FHIT: variants seen among roughly 807,000 people sequenced by gnomAD.
FHIT encodes bis(5'-adenosyl)-triphosphatase.
Under a neutral mutation model 17.9 loss-of-function variants are expected in FHIT, and 19 were observed. The observed-to-expected ratio is 1.06, with a 90% CI of 0.74 to 1.56. The LOEUF (loss-of-function observed/expected upper bound fraction) is 1.56. Ranked by LOEUF, FHIT falls within the 40% of genes most tolerant of loss-of-function variation. The probability of loss-of-function intolerance (pLI) is 0.00; values close to 1 mark genes in which losing one functional copy is unlikely to be tolerated. For synonymous variants in FHIT, 81 were observed against 69.7 expected (o/e 1.16, Z -0.81); for missense variants, 248 against 189.2 (o/e 1.31, Z -1.82).
At chr3:60,209,327 T>C (rs908782366) in intron 5 of FHIT, among the ~76,000 whole-genome samples, 1 of 152,298 alleles carries the variant, frequency 6.6e-6, no homozygotes, top group South Asian at 2.1e-4. Flanking sequence ...GTCTAGGCAC[T>C]GTAACAGTGG....
At chr3:61,159,223 T>C (rs971685577) in intron 2 of FHIT, among the ~76,000 whole-genome samples, 1 of 152,216 alleles carries the variant, frequency 6.6e-6, no homozygotes, top group Non-Finnish European at 1.5e-5. Context: ...CTGGTATCCA[T>C]GGAGTTTTTT....
intron 5 of FHIT, among the ~76,000 whole-genome samples, chr3:60,307,905 T>C (rs995780281): frequency 6.6e-6 from 1 of 152,256 alleles, no homozygotes; most frequent in South Asian, 2.1e-4. Context: ...GTGATAATTG[T>C]TGCTAATGAT....
At chr3:60,770,140 C>T (rs1233256023) in intron 4 of FHIT, among the ~76,000 whole-genome samples, 1 of 152,138 alleles carries the variant, frequency 6.6e-6, no homozygotes, top group Non-Finnish European at 1.5e-5. Context: ...AAGGGTTAGA[C>T]TCCAGCAACC....
At chr3:60,896,171 C>T (rs1406131308) in intron 3 of FHIT, among the ~76,000 whole-genome samples, 3 of 152,098 alleles carry the variant, frequency 2.0e-5, no homozygotes, top group Non-Finnish European at 2.9e-5. Flanking sequence ...AAACTATCCC[C>T]GCTCCCCTGC....
chr3:60,580,594 T>C (rs1220546884), intron 4 of FHIT, among the ~76,000 whole-genome samples: 3 of 152,096 alleles, frequency 2.0e-5, no homozygotes, highest in Admixed American at 2.0e-4. Context: ...ATACAATAGT[T>C]GTGTGCTGCT....
intron 2 of FHIT, among the ~76,000 whole-genome samples, chr3:61,186,458 A>G (rs372146367): frequency 1.3e-5 from 2 of 152,336 alleles, no homozygotes; most frequent in Non-Finnish European, 2.9e-5. Flanking sequence ...AGTCTCTATC[A>G]TCCCCTTGAA....
chr3:60,133,015 T>C (rs528934698), intron 5 of FHIT, among the ~76,000 whole-genome samples: 1 of 152,230 alleles, frequency 6.6e-6, no homozygotes, highest in East Asian at 1.9e-4. Context: ...GATTTAAATA[T>C]AGCAGTGACT....
chr3:61,091,936 TAAAAAAAAAAAA>T (rs58005720), intron 2 of FHIT, among the ~76,000 whole-genome samples: 3 of 61,276 alleles, frequency 4.9e-5, no homozygotes, highest in Non-Finnish European at 8.5e-5. Flanking sequence ...AGACCTTGTC[TAAAAAAAAAAAA>T]AAAAAAAAAA....
intron 1 of FHIT, among the ~76,000 whole-genome samples, chr3:61,210,277 T>C (rs1233874097): frequency 6.6e-6 from 1 of 152,226 alleles, no homozygotes; most frequent in Non-Finnish European, 1.5e-5. Context: ...GGAGGCAGTC[T>C]GCCCATTCTC....
intron 3 of FHIT, among the ~76,000 whole-genome samples, chr3:60,970,897 C>T (rs1485446834): frequency 6.6e-6 from 1 of 152,190 alleles, no homozygotes; most frequent in East Asian, 1.9e-4. Context: ...ATCATTAGCT[C>T]ATGACCAATC....
chr3:60,833,952 G>A (rs1702427549), intron 3 of FHIT, among the ~76,000 whole-genome samples: 1 of 152,138 alleles, frequency 6.6e-6, no homozygotes, highest in Admixed American at 6.5e-5. Flanking sequence ...ATTCAGTCAA[G>A]TAGTTTCATG....
Position 60,164,956 on chromosome 3 carries a change from G to A in FHIT, c.104-150804C>T, listed in dbSNP as rs913617833. Among the ~76,000 whole-genome samples, 13 of 152,262 alleles carry A rather than the reference G, an allele frequency of 8.5e-5. No individual in the cohort carries two copies. In the East Asian group the frequency reaches 2.5e-3, roughly 29 times the overall value. ...ACCCAGTTAGAAACAACCGACTTGT[G>A]TGAAATGCCACAGAGAGTCACAACG... On this transcript the variant is annotated intron_variant, in intron 5 of 9. Transcript: ENST00000492590.
intron 2 of FHIT, among the ~76,000 whole-genome samples, chr3:61,087,929 G>T (rs575483766): frequency 4.9e-4 from 74 of 152,128 alleles, no homozygotes; most frequent in Non-Finnish European, 8.8e-4. Flanking sequence ...GAAAACCCAA[G>T]CTTTGTGAAG....
chr3:60,411,808 G>A (rs933099506), intron 5 of FHIT, among the ~76,000 whole-genome samples: 1 of 152,064 alleles, frequency 6.6e-6, no homozygotes, highest in Non-Finnish European at 1.5e-5. Context: ...CAAATATATT[G>A]GAGCTGGATC....
At chr3:60,928,635 C>G (rs1319229391) in intron 3 of FHIT, among the ~76,000 whole-genome samples, 5 of 151,162 alleles carry the variant, frequency 3.3e-5, no homozygotes, top group Non-Finnish European at 7.4e-5. Context: ...ATAAATTCCT[C>G]GACACATACA....
intron 8 of FHIT, among the ~76,000 whole-genome samples, chr3:59,849,281 G>A (rs1218657320): frequency 6.6e-6 from 1 of 152,110 alleles, no homozygotes; most frequent in African/African-American, 2.4e-5. Context: ...GCTGAGGCAT[G>A]AGAATCACTT....
At chr3:60,534,439 CAAAAAAAAAAA>C (rs563992117) in intron 5 of FHIT, among the ~76,000 whole-genome samples, 1 of 32,384 alleles carries the variant, frequency 3.1e-5, no homozygotes, top group Non-Finnish European at 5.2e-5. Context: ...GACTCCGTCT[CAAAAAAAAAAA>C]AAAAAAAAAA....
Position 60,533,285 on chromosome 3 carries a change from G to A in FHIT, c.103+3575C>T, listed in dbSNP as rs113534343. On this transcript the variant is annotated intron_variant, in intron 5 of 9. Coordinates refer to ENST00000492590, the MANE Select transcript of FHIT (RefSeq NM_002012.4). ...GGGAAACGGGAAAAGGTGGGATTTC[G>A]GCACATCCTGTCTCTCTATTCTGTT... 6.6e-3 allele frequency among the ~76,000 whole-genome samples: 998 copies of A among 152,220 alleles called. 12 individuals carry two copies. The highest frequency in any genetic ancestry group is 0.023 in the African/African-American group (945 of 41,528).
intron 3 of FHIT, among the ~76,000 whole-genome samples, chr3:60,928,220 A>T (rs1289250964): frequency 1.3e-5 from 2 of 151,872 alleles, no homozygotes; most frequent in Non-Finnish European, 2.9e-5. Context: ...CTTTGTTCAC[A>T]TGTTTATCTG....
Sources: allele counts gnomAD v4.1 joint callset (sites outside exome capture counted in the v4.1 genomes callset), GRCh38; gene constraint gnomAD v4.1.1; transcripts MANE v1.5; gene names NCBI Gene and HGNC (gene_info 2026-07-23, HGNC 2026-07-21).